MAML3: variants seen among roughly 807,000 people sequenced by gnomAD.
MAML3 encodes mastermind-like protein 3.
Under a neutral mutation model 101.9 loss-of-function variants are expected in MAML3, and 27 were observed. The observed-to-expected ratio is 0.27, with a 90% CI of 0.20 to 0.37. MAML3 has a LOEUF of 0.37. Ranked by LOEUF, MAML3 falls within the 10% of genes least tolerant of loss-of-function variation. The pLI, the probability that MAML3 is intolerant of heterozygous loss-of-function variation, is 1.00. For missense variants in MAML3, 1,316 were observed against 1,444.9 expected (o/e 0.91, Z 1.45); for synonymous variants, 501 against 555.9 (o/e 0.90, Z 1.39).
intron 1 of MAML3, among the ~76,000 whole-genome samples, chr4:140,011,833 T>G (rs1726569709): frequency 6.6e-6 from 1 of 152,200 alleles, no homozygotes; most frequent in Non-Finnish European, 1.5e-5. Context: ...CAATTAATGA[T>G]TCATTCTCAT....
chr4:139,858,451 GCTTTTT>G (rs747260305), intron 2 of MAML3, among the ~76,000 whole-genome samples: 1 of 77,972 alleles, frequency 1.3e-5, no homozygotes, highest in Admixed American at 1.4e-4. Flanking sequence ...ATGATTCTTG[GCTTTTT>G]TTTTTTTTTT....
intron 1 of MAML3, among the ~76,000 whole-genome samples, chr4:140,054,625 C>T (rs146827411): frequency 2.1e-3 from 321 of 152,318 alleles, no homozygotes; most frequent in African/African-American, 7.3e-3. Context: ...TATTTCCTAA[C>T]GTTCTCCTGC....
At chr4:140,063,978 T>G (rs1727490071) in intron 1 of MAML3, among the ~76,000 whole-genome samples, 1 of 152,136 alleles carries the variant, frequency 6.6e-6, no homozygotes, top group South Asian at 2.1e-4. Context: ...TATTTAAGAA[T>G]GTGCTCATCA....
intron 1 of MAML3, among the ~76,000 whole-genome samples, chr4:139,983,733 G>A (rs1463227498): frequency 2.0e-5 from 3 of 152,188 alleles, no homozygotes; most frequent in Non-Finnish European, 4.4e-5. Flanking sequence ...CAGTATTAGA[G>A]GAGGGTGAAG....
At chr4:139,761,381 G>GT (rs1381983699) in intron 2 of MAML3, among the ~76,000 whole-genome samples, 1 of 151,814 alleles carries the variant, frequency 6.6e-6, no homozygotes, top group Non-Finnish European at 1.5e-5. Context: ...ATCAAAGAGA[G>GT]TCTGGAGGGG....
intron 2 of MAML3, among the ~76,000 whole-genome samples, chr4:139,864,204 A>T (rs1320713122): frequency 1.3e-5 from 2 of 152,200 alleles, no homozygotes; most frequent in Non-Finnish European, 2.9e-5. Context: ...AGCTACTTTG[A>T]GGTGGGTGAC....
At chr4:139,886,541 A>C (rs1042078740) in intron 2 of MAML3, among the ~76,000 whole-genome samples, 1 of 152,180 alleles carries the variant, frequency 6.6e-6, no homozygotes, top group African/African-American at 2.4e-5. Context: ...ACACATATTA[A>C]AAGTCACAAT....
chr4:139,776,831 C>T (rs1468141383), intron 2 of MAML3, among the ~76,000 whole-genome samples: 1 of 152,116 alleles, frequency 6.6e-6, no homozygotes, highest in Non-Finnish European at 1.5e-5. Context: ...TGGCGTGACA[C>T]TGTTATTTGA....
intron 1 of MAML3, among the ~76,000 whole-genome samples, chr4:140,023,319 G>C (rs1726766871): frequency 6.6e-6 from 1 of 152,162 alleles, no homozygotes; most frequent in Non-Finnish European, 1.5e-5. Context: ...AGCTCTAAGG[G>C]TATTTTCAAC....
In MAML3 at chr4:139,719,655, G is replaced by C; in HGVS notation, c.3085C>G (p.Gln1029Glu). 6.2e-7 allele frequency: 1 copy of C among 1,612,844 alleles called. No homozygotes were observed. The highest frequency in any genetic ancestry group is 1.1e-5 in the South Asian group (1 of 90,876). The change falls in exon 5 of 5, where the codon CAG becomes GAG. Residue 1029 changes from glutamine to glutamate, a missense_variant. Transcript: ENST00000509479. ...RTLNPAAMGRQMMPSLPGQQG... is the reference protein window; with the variant it reads ...RTLNPAAMGREMMPSLPGQQG... ...TGCCCCGGGAGCGATGGCATCATCT[G>C]CCGACCCATGGCAGCTGGGTTGAGG... is the stretch of plus-strand genomic sequence containing the variant.
chr4:139,963,672 A>G (rs1734067265), intron 1 of MAML3, among the ~76,000 whole-genome samples: 1 of 152,228 alleles, frequency 6.6e-6, no homozygotes, highest in Admixed American at 6.5e-5. Flanking sequence ...ATTCTTGTTC[A>G]AAGTGCCCCA....
At chr4:139,733,342 G>A (rs1728797814) in intron 2 of MAML3, among the ~76,000 whole-genome samples, 1 of 152,098 alleles carries the variant, frequency 6.6e-6, no homozygotes, top group Non-Finnish European at 1.5e-5. Flanking sequence ...GTCTGGGATG[G>A]CCCTGTTTAT....
Position 139,889,375 on chromosome 4 carries a change from T to G in MAML3, c.2061A>C (p.Ala687=), listed in dbSNP as rs750332490. 14 of 1,614,058 alleles carry G rather than the reference T, an allele frequency of 8.7e-6. No homozygotes were observed. The highest frequency in any genetic ancestry group is 1.1e-5 in the Non-Finnish European group (13 of 1,179,900). ...GVMNQPMAYA[A]LPSHGQEQHP... The stretch of plus-strand genomic sequence containing the variant: ...CACTTACCTGACCGTGGGATGGAAG[T>G]GCAGCGTAAGCCATGGGCTGATTCA... The change falls in exon 2 of 5, where the codon GCA becomes GCC. Residue 687 remains alanine, a synonymous_variant. Transcript: ENST00000509479.
At chr4:140,147,517 G>A (rs1038991060) in intron 1 of MAML3, among the ~76,000 whole-genome samples, 1 of 152,180 alleles carries the variant, frequency 6.6e-6, no homozygotes, top group Non-Finnish European at 1.5e-5. Context: ...CAGCAGGTGG[G>A]GGGAAGGAAA....
At chr4:139,891,464 G>C (rs1044474711) in intron 1 of MAML3, among the ~76,000 whole-genome samples, 4 of 152,112 alleles carry the variant, frequency 2.6e-5, no homozygotes, top group Non-Finnish European at 5.9e-5. Flanking sequence ...TTTTTGTAGA[G>C]ATGGGGTTTC....
intron 2 of MAML3, among the ~76,000 whole-genome samples, chr4:139,825,622 G>C (rs544725328): frequency 6.6e-6 from 1 of 152,164 alleles, no homozygotes; most frequent in Admixed American, 6.5e-5. Context: ...TGCAAGGCAC[G>C]GAGCACAGGC....
chr4:140,075,381 T>A (rs1290888978), intron 1 of MAML3, among the ~76,000 whole-genome samples: 1 of 152,142 alleles, frequency 6.6e-6, no homozygotes, highest in African/African-American at 2.4e-5. Context: ...GTTAACAAAA[T>A]GCAAGTCTCT....
At position 139,734,105 on chromosome 4, in the gene MAML3, G is replaced by A. The variant is rs115868751; in HGVS notation, c.2080-3438C>T. 1.8e-3 allele frequency among the ~76,000 whole-genome samples: 274 copies of A among 152,330 alleles called. 1 individual carries two copies. Among genetic ancestry groups the A allele is most frequent in the African/African-American group, 6.3e-3 (263 of 41,574 alleles). On this transcript the variant is annotated intron_variant, in intron 2 of 4. Transcript: ENST00000509479. ...CACCTACAGCCCCCGACTCTGAGGT[G>A]TATTCCAAAGTGTGAAAATGTACTC...
intron 2 of MAML3, among the ~76,000 whole-genome samples, chr4:139,885,604 T>C (rs766742949): frequency 2.7e-5 from 4 of 150,932 alleles, no homozygotes; most frequent in African/African-American, 4.9e-5. Context: ...CCATGATGAA[T>C]AGAAGTTCCA....
Sources: allele counts gnomAD v4.1 joint callset (sites outside exome capture counted in the v4.1 genomes callset), GRCh38; gene constraint gnomAD v4.1.1; transcripts MANE v1.5; gene names NCBI Gene and HGNC (gene_info 2026-07-23, HGNC 2026-07-21).